The following ATG4A variants were observed in gnomAD, a reference collection of about 807,000 sequenced individuals.
ATG4A encodes the protein autophagy related 4A cysteine peptidase.
ATG4A carries 22 observed loss-of-function variants against 38.4 expected under a neutral mutation model. The observed-to-expected ratio is 0.57, with a 90% CI of 0.41 to 0.82. The LOEUF (loss-of-function observed/expected upper bound fraction) is 0.82. Among genes scored for constraint, ATG4A ranks in the 40% least tolerant of loss-of-function variants. The pLI, the probability that ATG4A is intolerant of heterozygous loss-of-function variation, is 0.00. For synonymous variants in ATG4A, 86 were observed against 100.7 expected, an observed-to-expected ratio of 0.85 and a Z score of 0.88; for missense variants, 220 against 290.0, an observed-to-expected ratio of 0.76 and a Z score of 1.75.
chrX:108,142,105 T>C (rs2033311172), intron 9 of ATG4A, among the ~76,000 whole-genome samples: 1 of 111,872 alleles, frequency 8.9e-6, no homozygotes, highest in African/African-American at 3.3e-5. Flanking sequence ...TCAGAAATGA[T>C]GCAGCTTGTG....
Sources: allele counts gnomAD v4.1 joint callset (sites outside exome capture counted in the v4.1 genomes callset), GRCh38; gene constraint gnomAD v4.1.1; transcripts MANE v1.5; gene names NCBI Gene and HGNC (gene_info 2026-07-23, HGNC 2026-07-21).